CLYBL: variants seen among roughly 807,000 people sequenced by gnomAD.
CLYBL encodes citramalyl-CoA lyase, mitochondrial.
A neutral mutation model predicts 38.9 loss-of-function variants in CLYBL; 31 were observed. The observed-to-expected ratio is 0.80, with a 90% confidence interval of 0.60 to 1.08. The LOEUF is 1.08. Ranked by LOEUF, CLYBL falls within the 50% of genes least tolerant of loss-of-function variation. The pLI is 0.00. For synonymous variants in CLYBL, 171 were observed against 158.6 expected (o/e 1.08, Z -0.59); for missense variants, 434 against 411.6 (o/e 1.05, Z -0.47).
At chr13:99,902,521 T>C (rs1185008919) in intron 8 of CLYBL, among the ~76,000 whole-genome samples, 2 of 152,230 alleles carry the variant, frequency 1.3e-5, no homozygotes, top group African/African-American at 4.8e-5. Context: ...CTTTTTTCTC[T>C]TCCTTCTCAA....
rs181336164 is a variant in CLYBL, at chr13:99,635,839, A to G, written c.62+29082A>G. Among the ~76,000 whole-genome samples, 269 of 152,320 alleles carry G rather than the reference A, an allele frequency of 1.8e-3. 1 individual carries two copies. Among genetic ancestry groups the G allele is most frequent in the African/African-American group, 6.1e-3 (253 of 41,564 alleles). On this transcript the variant is annotated intron_variant, in intron 1 of 8. Transcript: ENST00000339105. ...CAGTTTCCTCATCTTTATGGTGACA[A>G]TACTACTGCTTACTTTGCTGAGACA...
intron 1 of CLYBL, among the ~76,000 whole-genome samples, chr13:99,670,672 G>A (rs1232415497): frequency 6.6e-6 from 1 of 152,112 alleles, no homozygotes; most frequent in Non-Finnish European, 1.5e-5. Context: ...CAAAACAACA[G>A]CAACAACAAA....
At chr13:99,866,082 G>T (rs1295923244) in intron 5 of CLYBL, among the ~76,000 whole-genome samples, 158 bp from the exon 6 acceptor site, 1 of 152,170 alleles carries the variant, frequency 6.6e-6, no homozygotes, top group Non-Finnish European at 1.5e-5. Context: ...TGGCCTCCAC[G>T]CGTCCCTGTC....
chr13:99,757,108 C>T (rs532151068), intron 1 of CLYBL, among the ~76,000 whole-genome samples: 1 of 152,252 alleles, frequency 6.6e-6, no homozygotes, highest in African/African-American at 2.4e-5. Flanking sequence ...ATGTGTTGCC[C>T]AGGCTGGTTT....
At chr13:99,610,518 C>T (rs774270613) in intron 1 of CLYBL, among the ~76,000 whole-genome samples, 2 of 152,130 alleles carry the variant, frequency 1.3e-5, no homozygotes, top group Admixed American at 6.5e-5. Context: ...GTGCAACCAG[C>T]GAGGTCTCTG....
intron 1 of CLYBL, among the ~76,000 whole-genome samples, chr13:99,670,960 C>T (rs2047556699): frequency 6.6e-6 from 1 of 152,162 alleles, no homozygotes; most frequent in Non-Finnish European, 1.5e-5. Flanking sequence ...TTACTGTGGC[C>T]ACCAAAGCCC....
chr13:99,758,861 T>C (rs1245184192), intron 1 of CLYBL, among the ~76,000 whole-genome samples: 1 of 152,234 alleles, frequency 6.6e-6, no homozygotes, highest in Non-Finnish European at 1.5e-5. Context: ...GGCTGTTCTT[T>C]GGGGTGTCCC....
chr13:99,659,899 C>T (rs2047384300), intron 1 of CLYBL, among the ~76,000 whole-genome samples: 1 of 152,176 alleles, frequency 6.6e-6, no homozygotes, highest in African/African-American at 2.4e-5. Flanking sequence ...CGTTAGCAGT[C>T]TCTCTTCTGT....
chr13:99,700,881 C>G (rs1015339308), intron 1 of CLYBL, among the ~76,000 whole-genome samples: 4 of 152,194 alleles, frequency 2.6e-5, no homozygotes, highest in Non-Finnish European at 5.9e-5. Flanking sequence ...AACTTGAAAA[C>G]AAATGATTTA....
At chr13:99,674,134 C>T (rs1229384115) in intron 1 of CLYBL, among the ~76,000 whole-genome samples, 1 of 119,776 alleles carries the variant, frequency 8.3e-6, no homozygotes, top group East Asian at 2.6e-4. Context: ...TTTTTAGCTA[C>T]TAGAATTCTT....
At chr13:99,739,510 C>T (rs1029902079) in intron 1 of CLYBL, among the ~76,000 whole-genome samples, 3 of 152,212 alleles carry the variant, frequency 2.0e-5, no homozygotes, top group Non-Finnish European at 4.4e-5. Context: ...GGATGCCCAC[C>T]AGCTGCTGAG....
chr13:99,749,440 C>T (rs951417286), intron 1 of CLYBL, among the ~76,000 whole-genome samples: 8 of 152,122 alleles, frequency 5.3e-5, no homozygotes, highest in African/African-American at 1.4e-4. Context: ...CCAGGAGGGC[C>T]GTTCCTTCCC....
intron 2 of CLYBL, among the ~76,000 whole-genome samples, chr13:99,794,638 C>G (rs1171273288): frequency 3.0e-5 from 4 of 133,512 alleles, no homozygotes; most frequent in Non-Finnish European, 6.5e-5. Flanking sequence ...GTCACCCAGG[C>G]TAGAGTGCAG....
At chr13:99,698,857 A>G (rs990107694) in intron 1 of CLYBL, among the ~76,000 whole-genome samples, 1 of 152,206 alleles carries the variant, frequency 6.6e-6, no homozygotes, top group African/African-American at 2.4e-5. Context: ...GTGTCAGCAT[A>G]AAAGCTCTGT....
chr13:99,719,153 A>ATTTTT (rs34168768), intron 1 of CLYBL, among the ~76,000 whole-genome samples: 1 of 135,678 alleles, frequency 7.4e-6, no homozygotes. Context: ...CACAAGGCCT[A>ATTTTT]TTTTTTTTTT....
intron 1 of CLYBL, among the ~76,000 whole-genome samples, chr13:99,637,082 G>T (rs1319868321): frequency 6.6e-6 from 1 of 152,182 alleles, no homozygotes; most frequent in African/African-American, 2.4e-5. Context: ...ATTTCGCCAT[G>T]TTGGCCAGGC....
At chr13:99,838,967 G>A (rs2051003798) in intron 2 of CLYBL, among the ~76,000 whole-genome samples, 1 of 152,204 alleles carries the variant, frequency 6.6e-6, no homozygotes, top group Non-Finnish European at 1.5e-5. Context: ...AAGCCTTTTG[G>A]AAAACTGAGC....
intron 1 of CLYBL, among the ~76,000 whole-genome samples, chr13:99,665,523 GA>G (rs887824748): frequency 6.6e-6 from 1 of 151,232 alleles, no homozygotes; most frequent in Admixed American, 6.6e-5. Context: ...AGTTTTTAGT[GA>G]AAAAAATTAT....
chr13:99,789,769 C>T (rs1043443237), intron 2 of CLYBL, among the ~76,000 whole-genome samples: 3 of 152,028 alleles, frequency 2.0e-5, no homozygotes, highest in South Asian at 2.1e-4. Context: ...CTTTCTGTCT[C>T]GTTGATCTGT....
Sources: gnomAD v4.1 joint callset for allele counts (sites outside exome capture counted in the v4.1 genomes callset) on GRCh38, gnomAD v4.1.1 for gene constraint, MANE v1.5 for transcripts, NCBI Gene and HGNC (gene_info 2026-07-23, HGNC 2026-07-21) for gene names.